The following HNRNPLL variants were observed in gnomAD, a reference collection of about 807,000 sequenced individuals.
HNRNPLL encodes heterogeneous nuclear ribonucleoprotein L-like.
A neutral mutation model predicts 67.1 loss-of-function variants in HNRNPLL; 25 were observed. That is an observed-to-expected ratio of 0.37 (90% CI 0.27 to 0.52). HNRNPLL has a LOEUF of 0.52. Among genes scored for constraint, HNRNPLL ranks in the 20% least tolerant of loss-of-function variants. The pLI is 0.90. For missense variants in HNRNPLL, 542 were observed against 673.9 expected, an observed-to-expected ratio of 0.80 and a Z score of 2.17; for synonymous variants, 267 against 241.7, an observed-to-expected ratio of 1.10 and a Z score of -0.97.
intron 1 of HNRNPLL, among the ~76,000 whole-genome samples, chr2:38,594,807 G>A (rs547437552): frequency 6.6e-6 from 1 of 152,062 alleles, no homozygotes; most frequent in African/African-American, 2.4e-5. Context: ...AAAATGAGCT[G>A]GGCGTGGTGG....
At chr2:38,565,145 T>C (rs574933343) in intron 12 of HNRNPLL, among the ~76,000 whole-genome samples, 1 of 152,168 alleles carries the variant, frequency 6.6e-6, no homozygotes, top group East Asian at 1.9e-4. Context: ...AGTTTTGCTA[T>C]CTTAATGTAT....
intron 8 of HNRNPLL, among the ~76,000 whole-genome samples, chr2:38,571,699 T>G (rs1666091461): frequency 1.3e-5 from 2 of 152,176 alleles, no homozygotes; most frequent in East Asian, 3.8e-4. Context: ...GTTCTTGTAT[T>G]GGTAAATCTC....
chr2:38,580,237 G>A (rs966203637), intron 6 of HNRNPLL, among the ~76,000 whole-genome samples: 5 of 152,122 alleles, frequency 3.3e-5, no homozygotes, highest in African/African-American at 1.2e-4. Context: ...CACTTGTCCG[G>A]TTGTTTCAGT....
Position 38,567,396 on chromosome 2 carries a change from G to C in HNRNPLL, c.1573+803C>G, listed in dbSNP as rs574212748. 5.3e-5 allele frequency among the ~76,000 whole-genome samples: 8 copies of C among 152,192 alleles called. No homozygotes were observed. The South Asian group carries it at 1.2e-3, about 24-fold the overall frequency. ...CTCCCAAAGTGCTGGGATTACAGGC[G>C]TGAGTCACAGTGCCTAGCCAAGTTT... On this transcript the variant is annotated intron_variant, in intron 12 of 12. Transcript: ENST00000449105.
chr2:38,594,211 C>A (rs999200388), intron 1 of HNRNPLL, among the ~76,000 whole-genome samples: 18 of 151,968 alleles, frequency 1.2e-4, no homozygotes, highest in Non-Finnish European at 1.2e-4. Context: ...AACAAAAAAA[C>A]CAAATGCTGT....
chr2:38,594,811 G>A (rs539195187), intron 1 of HNRNPLL, among the ~76,000 whole-genome samples: 5 of 152,124 alleles, frequency 3.3e-5, no homozygotes, highest in South Asian at 2.1e-4. Context: ...TGAGCTGGGC[G>A]TGGTGGTGCA....
At chr2:38,593,142 T>C (rs1260744156) in intron 1 of HNRNPLL, among the ~76,000 whole-genome samples, 1 of 152,242 alleles carries the variant, frequency 6.6e-6, no homozygotes, top group Non-Finnish European at 1.5e-5. Flanking sequence ...GAATTGCTTA[T>C]GCTCCGTCTT....
intron 1 of HNRNPLL, among the ~76,000 whole-genome samples, chr2:38,595,717 A>G (rs1346831473): frequency 3.3e-5 from 5 of 152,078 alleles, no homozygotes; most frequent in East Asian, 3.9e-4. Context: ...GGTGGCGGGC[A>G]CCTGTAGTCC....
chr2:38,575,625 T>G (rs965942256), intron 7 of HNRNPLL, among the ~76,000 whole-genome samples: 2 of 151,844 alleles, frequency 1.3e-5, no homozygotes, highest in Non-Finnish European at 3.0e-5. Context: ...ATGAATAAAC[T>G]TAATCTGATG....
chr2:38,602,161 C>T, intron 1 of HNRNPLL: 4 of 471,512 alleles, frequency 8.5e-6, no homozygotes, highest in Non-Finnish European at 1.1e-5. Context: ...AGCGACGCCT[C>T]CCCGCCGCCG....
chr2:38,591,713 C>T (rs887774215), intron 1 of HNRNPLL, 65 bp from the exon 2 acceptor site: 27 of 976,774 alleles, frequency 2.8e-5, no homozygotes, highest in African/African-American at 8.1e-5. Context: ...CGGTGGCTCA[C>T]GCCTGTAATC....
chr2:38,600,768 T>C (rs112399644), intron 1 of HNRNPLL, among the ~76,000 whole-genome samples: 3,876 of 151,910 alleles, frequency 0.026, 75 homozygotes, highest in Middle Eastern at 0.065. Context: ...AAAAAAATTG[T>C]ATGCTAAGCC....
At chr2:38,583,218 A>G (rs1421788540) in intron 4 of HNRNPLL, among the ~76,000 whole-genome samples, 1 of 152,240 alleles carries the variant, frequency 6.6e-6, no homozygotes, top group African/African-American at 2.4e-5. Context: ...ACAAAGGTAT[A>G]TAAGGTAAAA....
At chr2:38,596,884 T>C (rs1016908796) in intron 1 of HNRNPLL, among the ~76,000 whole-genome samples, 1 of 152,132 alleles carries the variant, frequency 6.6e-6, no homozygotes, top group African/African-American at 2.4e-5. Flanking sequence ...ACTTACATAA[T>C]CTCTTCTTTA....
intron 12 of HNRNPLL, chr2:38,565,977 T>TC (rs1491517841): frequency 2.2e-6 from 2 of 922,592 alleles, no homozygotes; most frequent in East Asian, 2.4e-4. Context: ...TGTTTTTTTT[T>TC]CTCTTTTTTA....
At chr2:38,586,687 A>G (rs1444310447) in intron 2 of HNRNPLL, among the ~76,000 whole-genome samples, 2 of 152,202 alleles carry the variant, frequency 1.3e-5, no homozygotes, top group Non-Finnish European at 2.9e-5. Flanking sequence ...AAAGTTCCAA[A>G]GTTCATATAA....
Position 38,569,414 on chromosome 2 carries a change from T to C in HNRNPLL, c.1215-80A>G, listed in dbSNP as rs185346466. ...AAGTAGTCTCAGAATGCTAATATAT[T>C]TTGCTTGCATAAATCTTAACCAAAA... On this transcript the variant is annotated intron_variant, in intron 9 of 12. Transcript: ENST00000449105. 3.2e-4 allele frequency: 320 copies of C among 1,010,928 alleles called. 2 individuals are homozygous for C. The African/African-American group carries it at 4.7e-3, about 15-fold the overall frequency. 62.6% of individuals were successfully genotyped at this position (1,010,928 alleles called of 1,614,324 possible). A position where few individuals can be genotyped will look rare whatever the true frequency, so the allele number is the denominator to read the frequency against.
chr2:38,591,176 A>G (rs1205231427), intron 2 of HNRNPLL, among the ~76,000 whole-genome samples: 2 of 152,216 alleles, frequency 1.3e-5, no homozygotes, highest in Non-Finnish European at 2.9e-5. Context: ...TCACTACTTG[A>G]AACTCTGAAG....
chr2:38,570,137 C>T (rs1666013592), intron 8 of HNRNPLL, among the ~76,000 whole-genome samples: 1 of 152,174 alleles, frequency 6.6e-6, no homozygotes, highest in African/African-American at 2.4e-5. Flanking sequence ...TGAAGAACAG[C>T]ACAGGCTCAC....
Sources: allele counts gnomAD v4.1 joint callset (sites outside exome capture counted in the v4.1 genomes callset), GRCh38; gene constraint gnomAD v4.1.1; transcripts MANE v1.5; gene names NCBI Gene and HGNC (gene_info 2026-07-23, HGNC 2026-07-21).